ZNF331: variants seen among roughly 807,000 people sequenced by gnomAD.
The protein encoded by ZNF331 is C2H2-like zinc finger protein rearranged in thyroid adenomas.
In ZNF331, 2 loss-of-function variants were observed where a neutral mutation model predicts 7.0. The observed-to-expected ratio is 0.29, with a 90% CI of 0.12 to 0.90. ZNF331 has a LOEUF of 0.90. Among genes scored for constraint, ZNF331 ranks in the 40% least tolerant of loss-of-function variants. The probability of loss-of-function intolerance (pLI) is 0.58; values close to 1 mark genes in which losing one functional copy is unlikely to be tolerated. For missense variants in ZNF331, 432 were observed against 587.7 expected, an observed-to-expected ratio of 0.74 and a Z score of 2.74; for synonymous variants, 196 against 205.4, an observed-to-expected ratio of 0.95 and a Z score of 0.39.
chr19:53,506,472 CTCTCTCTCTG>C, the ZNF331 span, among the ~76,000 whole-genome samples: 8 of 141,980 alleles, frequency 5.6e-5, no homozygotes, highest in African/African-American at 8.0e-5. Flanking sequence ...CTCTCTCTCT[CTCTCTCTCTG>C]TCTGTCTCTC....
upstream of ZNF331, among the ~76,000 whole-genome samples, chr19:53,534,268 C>T (rs2087653494): frequency 6.6e-6 from 1 of 152,002 alleles, no homozygotes; most frequent in African/African-American, 2.4e-5. Context: ...TAGAGGCTGC[C>T]CAGATTAGCT....
At chr19:53,510,918 T>C in the ZNF331 span, among the ~76,000 whole-genome samples, 1 of 152,158 alleles carries the variant, frequency 6.6e-6, no homozygotes, top group South Asian at 2.1e-4. Context: ...TGTTATTTTG[T>C]AATTGCATCC....
At chr19:53,508,156 C>G in the ZNF331 span, among the ~76,000 whole-genome samples, 5 of 152,116 alleles carry the variant, frequency 3.3e-5, no homozygotes, top group South Asian at 2.1e-4. Context: ...CTGGACAGAG[C>G]CTGAATCTGT....
At chr19:53,505,234 A>C in the ZNF331 span, among the ~76,000 whole-genome samples, 1 of 152,066 alleles carries the variant, frequency 6.6e-6, no homozygotes, top group Non-Finnish European at 1.5e-5. Context: ...GAGTGGAATC[A>C]GCTTAGAGGT....
rs112295247 is a variant in ZNF331 at position 53,573,240 on chromosome 19, C to T, written c.136+1510C>T. Among the ~76,000 whole-genome samples, 788 of 151,844 alleles carry T rather than the reference C, an allele frequency of 5.2e-3. 9 individuals are homozygous for T. The highest frequency in any genetic ancestry group is 0.018 in the African/African-American group (744 of 41,442). On this transcript the variant is annotated intron_variant, in intron 5 of 5. Coordinates refer to ENST00000449416, the MANE Select transcript of ZNF331 (RefSeq NM_001079906.2). This position sits in a 1 kb window ranked among gnomAD's most constrained non-coding sequence, Gnocchi z 4.2. ...TCTCAAAAATAATAAAAAATAAGGC[C>T]GGGTGCGGTGGCTCACTCCTGTGAT... is the stretch of plus-strand genomic sequence containing the variant.
chr19:53,565,085 G>A lies in ZNF331; in HGVS notation c.-73-4219G>A, dbSNP rs571240810. Among the ~76,000 whole-genome samples the A allele has an allele frequency of 9.2e-5, 14 of 152,210 alleles. No homozygotes were observed. In the East Asian group the frequency reaches 2.5e-3, roughly 27 times the overall value. ...AATATGCCAGATGCTGTGGCTATTCGTACTTGGAATGAGAGTCTGATTCAG... is the reference window on the plus strand; with the variant it reads ...AATATGCCAGATGCTGTGGCTATTCATACTTGGAATGAGAGTCTGATTCAG... On this transcript the variant is annotated intron_variant, in intron 3 of 5. Coordinates refer to ENST00000449416, the MANE Select transcript of ZNF331 (RefSeq NM_001079906.2).
At chr19:53,564,514 C>T (rs1176354866) in intron 3 of ZNF331, among the ~76,000 whole-genome samples, 2 of 152,100 alleles carry the variant, frequency 1.3e-5, no homozygotes, top group African/African-American at 4.8e-5. Flanking sequence ...CTCCTGACCT[C>T]AAGTGATCCA....
At chr19:53,514,426 C>T in the ZNF331 span, among the ~76,000 whole-genome samples, 2 of 151,936 alleles carry the variant, frequency 1.3e-5, no homozygotes, top group South Asian at 4.1e-4. Context: ...GTCTCAAACT[C>T]CTGACCTCAG....
chr19:53,540,146 C>A (rs925754086), intron 2 of ZNF331, among the ~76,000 whole-genome samples: 12 of 152,062 alleles, frequency 7.9e-5, no homozygotes, highest in Non-Finnish European at 1.8e-4. Flanking sequence ...ATTTTTGTAC[C>A]ATACTCTATT....
chr19:53,559,147 CATATACACACCTACAT>C (rs2089644478), intron 3 of ZNF331, among the ~76,000 whole-genome samples: 2 of 142,390 alleles, frequency 1.4e-5, no homozygotes, highest in African/African-American at 5.0e-5. Flanking sequence ...TGTACACACA[CATATACACACCTACAT>C]ATATACACAC....
chr19:53,521,825 G>A (rs1045349101), exon 1 of ZNF331: 1 of 152,404 alleles, frequency 6.6e-6, no homozygotes, highest in Non-Finnish European at 1.5e-5. Context: ...GTGAGCACAG[G>A]TGTGTGCGAC....
upstream of ZNF331, among the ~76,000 whole-genome samples, chr19:53,535,017 C>CAA (rs2087688666): frequency 4.2e-4 from 12 of 28,550 alleles, no homozygotes; most frequent in African/African-American, 1.7e-3. Flanking sequence ...AAGCCTGTAA[C>CAA]CAAAAAAAAA....
chr19:53,562,019 G>A (rs1433407408), intron 3 of ZNF331, among the ~76,000 whole-genome samples: 11 of 152,084 alleles, frequency 7.2e-5, no homozygotes, highest in African/African-American at 1.7e-4. Flanking sequence ...GTGGTGGCGC[G>A]CGCCTGTAAT....
At chr19:53,570,626 G>A (rs1479212080) in intron 4 of ZNF331, among the ~76,000 whole-genome samples, 6 of 150,472 alleles carry the variant, frequency 4.0e-5, no homozygotes, top group South Asian at 2.1e-4. Flanking sequence ...TCTGCCTCGC[G>A]GGTTCAAGTA....
rs150732289 is a variant in ZNF331, at chr19:53,558,840, A to G, written c.-74+2932A>G. On this transcript the variant is annotated intron_variant, in intron 3 of 5. Coordinates refer to ENST00000449416, the MANE Select transcript of ZNF331 (RefSeq NM_001079906.2). This position sits in a 1 kb window ranked among gnomAD's most constrained non-coding sequence, Gnocchi z 4.5. The stretch of plus-strand genomic sequence containing the variant: ...TATACACACATATAGGCACCTACAT[A>G]TATACACACCATACACACATATACA... Among the ~76,000 whole-genome samples, 57 of 151,830 alleles carry G rather than the reference A, an allele frequency of 3.8e-4. No individual in the cohort carries two copies. The East Asian group carries it at 6.2e-3, about 16-fold the overall frequency.
chr19:53,551,075 C>G (rs988450603), intron 2 of ZNF331, among the ~76,000 whole-genome samples: 2 of 151,988 alleles, frequency 1.3e-5, no homozygotes, highest in Admixed American at 6.6e-5. Flanking sequence ...TCGTGATCCA[C>G]CCACCTTGGC....
intron 3 of ZNF331, among the ~76,000 whole-genome samples, chr19:53,561,073 A>G (rs2089853090): frequency 6.6e-6 from 1 of 152,070 alleles, no homozygotes; most frequent in Admixed American, 6.6e-5. Context: ...TGGGAGGATC[A>G]CTTGAACCCA....
At chr19:53,505,618 G>A in the ZNF331 span, among the ~76,000 whole-genome samples, 1 of 152,182 alleles carries the variant, frequency 6.6e-6, no homozygotes, top group Non-Finnish European at 1.5e-5. Flanking sequence ...GGGGTGAAGT[G>A]TGGCTGCAAA....
At chr19:53,546,289 A>G (rs2088611548) in intron 2 of ZNF331, among the ~76,000 whole-genome samples, 1 of 152,022 alleles carries the variant, frequency 6.6e-6, no homozygotes, top group Admixed American at 6.6e-5. Flanking sequence ...TTTTTTGTTC[A>G]TTAAATGATT....
Sources: gnomAD v4.1 joint callset for allele counts (sites outside exome capture counted in the v4.1 genomes callset) on GRCh38, gnomAD v4.1.1 for gene constraint, Gnocchi (gnomAD v3.1) non-coding constraint, MANE v1.5 for transcripts, NCBI Gene and HGNC (gene_info 2026-07-23, HGNC 2026-07-21) for gene names.